The following NEK5 variants were observed in gnomAD, a reference collection of about 807,000 sequenced individuals.
The protein encoded by NEK5 is NIMA related kinase 5.
NEK5 carries 88 observed loss-of-function variants against 109.2 expected under a neutral mutation model. That is an observed-to-expected ratio of 0.81 (90% CI 0.68 to 0.96). The LOEUF (loss-of-function observed/expected upper bound fraction) is 0.96. Among genes scored for constraint, NEK5 ranks in the 40% least tolerant of loss-of-function variants. The probability of loss-of-function intolerance (pLI) is 0.00; values close to 1 mark genes in which losing one functional copy is unlikely to be tolerated. For missense variants in NEK5, 834 were observed against 920.7 expected (o/e 0.91, Z 1.22); for synonymous variants, 283 against 299.9 (o/e 0.94, Z 0.58).
intron 17 of NEK5, chr13:52,082,367 TCTTA>T: frequency 8.4e-7 from 1 of 1,186,436 alleles, no homozygotes; most frequent in Non-Finnish European, 1.1e-6. Flanking sequence ...TTGAGAATCT[TCTTA>T]CTAAGCAAAA....
chr13:52,104,088 T>C (rs1175619915), intron 9 of NEK5, among the ~76,000 whole-genome samples: 1 of 152,042 alleles, frequency 6.6e-6, no homozygotes, highest in Non-Finnish European at 1.5e-5. Context: ...GCCTCCCAAC[T>C]AGCTGGGACT....
At chr13:52,112,415 A>T (rs1167618463) in intron 4 of NEK5, 50 bp from the exon 5 acceptor site, 1 of 1,219,282 alleles carries the variant, frequency 8.2e-7, no homozygotes, top group East Asian at 2.3e-5. Flanking sequence ...GATATTTATC[A>T]GCCATGTTCT....
At chr13:52,078,920 CA>C (rs891134836) in intron 17 of NEK5, among the ~76,000 whole-genome samples, 2 of 152,204 alleles carry the variant, frequency 1.3e-5, no homozygotes, top group African/African-American at 2.4e-5. Flanking sequence ...ATCAGACAAC[CA>C]ACTTCACAAA....
intron 20 of NEK5, among the ~76,000 whole-genome samples, chr13:52,067,122 T>C (rs895699242): frequency 6.6e-6 from 1 of 152,200 alleles, no homozygotes; most frequent in Non-Finnish European, 1.5e-5. Context: ...ATAATTTCTG[T>C]AATATATTTT....
At chr13:52,057,824 GA>G (rs1954574905) in intron 22 of NEK5, among the ~76,000 whole-genome samples, 1 of 151,884 alleles carries the variant, frequency 6.6e-6, no homozygotes, top group East Asian at 1.9e-4. Flanking sequence ...AGCTATCTAT[GA>G]CAAACCCACA....
intron 13 of NEK5, among the ~76,000 whole-genome samples, chr13:52,091,918 C>CT (rs1336236284): frequency 6.6e-6 from 1 of 152,152 alleles, no homozygotes; most frequent in African/African-American, 2.4e-5. Context: ...TGAAATATAT[C>CT]TTATTTCTCA....
chr13:52,079,424 C>T (rs893146515), intron 17 of NEK5, among the ~76,000 whole-genome samples: 2 of 152,110 alleles, frequency 1.3e-5, no homozygotes, highest in Non-Finnish European at 2.9e-5. Context: ...CTCAGCCTGC[C>T]GAGTGCCTGC....
chr13:52,078,940 A>G (rs1184213053), intron 17 of NEK5, among the ~76,000 whole-genome samples: 1 of 152,234 alleles, frequency 6.6e-6, no homozygotes, highest in Middle Eastern at 3.2e-3. Flanking sequence ...AATATAAGTA[A>G]GATAGATAAG....
intron 22 of NEK5, among the ~76,000 whole-genome samples, chr13:52,058,691 A>T (rs933384722): frequency 6.6e-6 from 1 of 151,960 alleles, no homozygotes; most frequent in African/African-American, 2.4e-5. Flanking sequence ...TGACAAAAAC[A>T]AGCAATGGGG....
chr13:52,106,625 G>T (rs1349881747), intron 8 of NEK5, among the ~76,000 whole-genome samples: 2 of 151,938 alleles, frequency 1.3e-5, no homozygotes, highest in African/African-American at 4.8e-5. Flanking sequence ...ATATTAGCTG[G>T]GCATGGTGGG....
intron 22 of NEK5, among the ~76,000 whole-genome samples, chr13:52,057,265 G>T (rs1954566006): frequency 6.6e-6 from 1 of 151,894 alleles, no homozygotes; most frequent in Non-Finnish European, 1.5e-5. Context: ...TTGAATCTCT[G>T]AATAGACCAA....
intron 20 of NEK5, among the ~76,000 whole-genome samples, chr13:52,069,605 CG>C (rs1421106644): frequency 1.3e-5 from 2 of 152,138 alleles, no homozygotes; most frequent in African/African-American, 4.8e-5. Flanking sequence ...TTGTCTCTCC[CG>C]ACCCCATTAC....
At chr13:52,101,224 T>C (rs1430454440) in intron 11 of NEK5, among the ~76,000 whole-genome samples, 1 of 151,876 alleles carries the variant, frequency 6.6e-6, no homozygotes, top group Non-Finnish European at 1.5e-5. Flanking sequence ...CAGTGAAACC[T>C]CGTCTCTACT....
At chr13:52,055,271 C>T (rs1467032358) in intron 22 of NEK5, among the ~76,000 whole-genome samples, 12 of 152,208 alleles carry the variant, frequency 7.9e-5, no homozygotes, top group Non-Finnish European at 1.5e-4. Flanking sequence ...AAGAAACGAG[C>T]AAAGCCTCCA....
intron 11 of NEK5, among the ~76,000 whole-genome samples, chr13:52,100,610 G>A (rs1209202868): frequency 2.0e-5 from 3 of 151,988 alleles, no homozygotes; most frequent in East Asian, 1.9e-4. Context: ...AAGGTGGCTC[G>A]CACCTGTAAT....
At chr13:52,107,637 A>G (rs919066850) in intron 8 of NEK5, among the ~76,000 whole-genome samples, 1 of 152,082 alleles carries the variant, frequency 6.6e-6, no homozygotes, top group African/African-American at 2.4e-5. Flanking sequence ...CAAAGGCTGT[A>G]ATGTAACAAA....
intron 14 of NEK5, among the ~76,000 whole-genome samples, chr13:52,087,832 A>G (rs1051264335): frequency 6.6e-5 from 10 of 151,272 alleles, no homozygotes; most frequent in South Asian, 4.2e-4. Flanking sequence ...TCACTGTGTT[A>G]GCCAGGATGG....
rs1219864237 is a variant in NEK5 at position 52,110,506 on chromosome 13, G to A, written c.384C>T (p.Asp128=). 2 of 1,611,408 alleles carry A rather than the reference G, an allele frequency of 1.2e-6. No individual in the cohort carries two copies. Residue 128 remains aspartate, a synonymous_variant, in exon 6 of 24, where the codon GAC becomes GAT. Transcript: ENST00000684899. ...TCTGAGCTGTTACCTGAGCTTTTAT[G>A]TCCCTGTGTAATATCTTCCTGTCAT... ...HIHDRKILHR[D]IKAQNIFLSK...
chr13:52,118,342 AC>A (rs1236445596), intron 4 of NEK5, among the ~76,000 whole-genome samples: 1 of 152,170 alleles, frequency 6.6e-6, no homozygotes, highest in Non-Finnish European at 1.5e-5. Context: ...CCCTGTCACA[AC>A]TTAAGACACA....
Sources: gnomAD v4.1 joint callset for allele counts (sites outside exome capture counted in the v4.1 genomes callset) on GRCh38, gnomAD v4.1.1 for gene constraint, MANE v1.5 for transcripts, NCBI Gene and HGNC (gene_info 2026-07-23, HGNC 2026-07-21) for gene names.